CAMK4: variants seen among roughly 807,000 people sequenced by gnomAD.
CAMK4 encodes the protein calcium/calmodulin dependent protein kinase IV, also known as calcium/calmodulin-dependent protein kinase type IV.
CAMK4 carries 22 observed loss-of-function variants against 44.9 expected under a neutral mutation model. The observed-to-expected ratio is 0.49, with a 90% CI of 0.35 to 0.70. The LOEUF (loss-of-function observed/expected upper bound fraction) is 0.70. Ranked by LOEUF, CAMK4 falls within the 30% of genes least tolerant of loss-of-function variation. The probability of loss-of-function intolerance (pLI) is 0.01; values close to 1 mark genes in which losing one functional copy is unlikely to be tolerated. For missense variants in CAMK4, 498 were observed against 586.8 expected (o/e 0.85, Z 1.56); for synonymous variants, 218 against 215.4 (o/e 1.01, Z -0.11).
chr5:111,234,415 A>G (rs1160388702), intron 1 of CAMK4, among the ~76,000 whole-genome samples: 1 of 152,198 alleles, frequency 6.6e-6, no homozygotes, highest in Non-Finnish European at 1.5e-5. Context: ...CAGATTGCAC[A>G]TCAAGCAGAG....
At chr5:111,301,148 G>C (rs1214687235) in intron 1 of CAMK4, among the ~76,000 whole-genome samples, 1 of 151,510 alleles carries the variant, frequency 6.6e-6, no homozygotes, top group East Asian at 1.9e-4. Flanking sequence ...TAACGTACTA[G>C]GTCTGGGCAT....
chr5:111,375,257 A>C (rs1372212965), intron 3 of CAMK4, among the ~76,000 whole-genome samples: 1 of 152,192 alleles, frequency 6.6e-6, no homozygotes, highest in African/African-American at 2.4e-5. Flanking sequence ...TTACTGAAAA[A>C]GCCTGTGAAG....
intron 1 of CAMK4, among the ~76,000 whole-genome samples, chr5:111,255,274 A>C (rs995398495): frequency 3.9e-5 from 6 of 152,292 alleles, no homozygotes; most frequent in African/African-American, 1.2e-4. Context: ...CATCACTTCC[A>C]TTGGATCTGC....
At position 111,494,189 on chromosome 5, in the gene CAMK4, C is replaced by T. The variant is rs1482893231; in HGVS notation, c.*9723C>T. The T allele has an allele frequency of 6.6e-6, 1 of 152,072 alleles. No homozygotes were observed. Among genetic ancestry groups the T allele is most frequent in the Non-Finnish European group, 1.5e-5 (1 of 68,006 alleles). 9.4% of individuals were successfully genotyped at this position (152,072 alleles called of 1,614,324 possible). On this transcript the variant is annotated 3_prime_UTR_variant, in exon 11 of 11. Coordinates refer to ENST00000282356, the MANE Select transcript of CAMK4 (RefSeq NM_001744.6). The stretch of plus-strand genomic sequence containing the variant: ...AATAGTTTAGGCTGCAAGTCAGTAG[C>T]CAAACACAAGAGCATGTAAGATTTG...
intron 5 of CAMK4, among the ~76,000 whole-genome samples, chr5:111,417,294 A>G (rs1164123222): frequency 6.7e-6 from 1 of 149,968 alleles, no homozygotes; most frequent in Non-Finnish European, 1.5e-5. Context: ...GCCCGATCTC[A>G]GTACCTCCGC....
chr5:111,477,506 T>G (rs1214974374), intron 8 of CAMK4, among the ~76,000 whole-genome samples: 1 of 152,206 alleles, frequency 6.6e-6, no homozygotes, highest in Non-Finnish European at 1.5e-5. Flanking sequence ...TTTAAGCAGT[T>G]CCCTCTTGGT....
intron 1 of CAMK4, among the ~76,000 whole-genome samples, chr5:111,228,921 G>T (rs1225301020): frequency 6.6e-6 from 1 of 152,176 alleles, no homozygotes; most frequent in East Asian, 1.9e-4. Context: ...TCTCCCTAAG[G>T]TCTGCTGGGC....
chr5:111,417,404 TG>T (rs1195474869), intron 5 of CAMK4, among the ~76,000 whole-genome samples: 1 of 151,910 alleles, frequency 6.6e-6, no homozygotes, highest in African/African-American at 2.4e-5. Context: ...TTAGTAGAGA[TG>T]GGGTTTCACC....
Position 111,290,081 on chromosome 5 carries a change from C to G in CAMK4, c.162-53943C>G, listed in dbSNP as rs892809297. ...TGAGAAGAGCCCATCCCACCTTTAT[C>G]CCTAGGTTTCCAGACCTGTGCATTC... On this transcript the variant is annotated intron_variant, in intron 1 of 10. Transcript: ENST00000282356. The surrounding 1 kb of genome is among the most constrained non-coding windows in gnomAD (Gnocchi z 4.5). Among the ~76,000 whole-genome samples, 1 of 152,152 alleles carries G rather than the reference C, an allele frequency of 6.6e-6. No individual in the cohort carries two copies. Among genetic ancestry groups the G allele is most frequent in the Non-Finnish European group, 1.5e-5 (1 of 68,034 alleles).
intron 5 of CAMK4, among the ~76,000 whole-genome samples, chr5:111,412,115 A>G (rs1389314128): frequency 1.3e-5 from 2 of 152,196 alleles, no homozygotes; most frequent in East Asian, 3.8e-4. Context: ...AAAATAGTAA[A>G]GTGCAGAATT....
At chr5:111,317,173 T>C (rs1001715717) in intron 1 of CAMK4, among the ~76,000 whole-genome samples, 4 of 152,110 alleles carry the variant, frequency 2.6e-5, no homozygotes, top group African/African-American at 9.7e-5. Flanking sequence ...AAACAAGTGC[T>C]AGGAGACTTT....
intron 1 of CAMK4, among the ~76,000 whole-genome samples, chr5:111,335,604 G>A (rs1749368092): frequency 6.6e-6 from 1 of 151,360 alleles, no homozygotes; most frequent in Admixed American, 6.6e-5. Flanking sequence ...CCAACTGACA[G>A]ATGAAGAGCC....
chr5:111,456,156 T>C (rs546239484), intron 7 of CAMK4, among the ~76,000 whole-genome samples: 1 of 152,184 alleles, frequency 6.6e-6, no homozygotes, highest in South Asian at 2.1e-4. Context: ...TCTTTGAAAT[T>C]ACTACATCTC....
At chr5:111,469,206 T>TATATATATA (rs1754976242) in intron 7 of CAMK4, among the ~76,000 whole-genome samples, 1 of 134,992 alleles carries the variant, frequency 7.4e-6, no homozygotes, top group Admixed American at 7.5e-5. Context: ...TATATATATA[T>TATATATATA]TTGAAAGTTA....
intron 5 of CAMK4, among the ~76,000 whole-genome samples, chr5:111,406,523 C>G (rs1341637120): frequency 1.6e-5 from 2 of 128,554 alleles, no homozygotes; most frequent in Admixed American, 1.6e-4. Flanking sequence ...CGTACCTGGC[C>G]AATTTTTTTC....
chr5:111,455,767 T>A (rs1322722200), intron 7 of CAMK4, among the ~76,000 whole-genome samples: 1 of 152,166 alleles, frequency 6.6e-6, no homozygotes, highest in Non-Finnish European at 1.5e-5. Context: ...TGTGGTATTG[T>A]TGTTGTTCAT....
At chr5:111,275,223 T>C (rs1750706782) in intron 1 of CAMK4, among the ~76,000 whole-genome samples, 1 of 152,148 alleles carries the variant, frequency 6.6e-6, no homozygotes, top group Non-Finnish European at 1.5e-5. Flanking sequence ...TTCTTGCAGC[T>C]TCCATTTATT....
chr5:111,297,329 T>C (rs1395892691), intron 1 of CAMK4, among the ~76,000 whole-genome samples: 1 of 152,218 alleles, frequency 6.6e-6, no homozygotes, highest in African/African-American at 2.4e-5. Context: ...TTATAAGTTC[T>C]CAAGTCTTTC....
At chr5:111,449,908 T>C (rs1754167139) in intron 7 of CAMK4, 1 of 152,270 alleles carries the variant, frequency 6.6e-6, no homozygotes, top group South Asian at 2.1e-4. Context: ...CTAAAATTGT[T>C]GTGATTATTG....
Sources: allele counts gnomAD v4.1 joint callset (sites outside exome capture counted in the v4.1 genomes callset), GRCh38; gene constraint gnomAD v4.1.1; non-coding constraint Gnocchi (gnomAD v3.1); transcripts MANE v1.5; gene names NCBI Gene and HGNC (gene_info 2026-07-23, HGNC 2026-07-21).